Variants in SRRM4 observed in about 807,000 individuals in gnomAD.
The protein encoded by SRRM4 is serine/arginine repetitive matrix 4, also known as serine/arginine repetitive matrix protein 4.
Under a neutral mutation model 68.9 loss-of-function variants are expected in SRRM4, and 33 were observed. The observed-to-expected ratio is 0.48, with a 90% CI of 0.36 to 0.64. The LOEUF is 0.64. SRRM4 is among the 30% of genes least tolerant of loss of function. The pLI is 0.00. For synonymous variants in SRRM4, 318 were observed against 318.8 expected, an observed-to-expected ratio of 1.00 and a Z score of 0.03; for missense variants, 817 against 827.1, an observed-to-expected ratio of 0.99 and a Z score of 0.15.
intron 1 of SRRM4, among the ~76,000 whole-genome samples, chr12:118,992,978 T>C (rs1953326377): frequency 6.6e-6 from 1 of 152,190 alleles, no homozygotes; most frequent in Admixed American, 6.5e-5. Context: ...CTAAGAGATG[T>C]GAAATGATTT....
intron 1 of SRRM4, among the ~76,000 whole-genome samples, chr12:119,017,937 C>T (rs138965902): frequency 1.3e-3 from 201 of 152,292 alleles, no homozygotes; most frequent in African/African-American, 4.6e-3. Context: ...TTGACTTGGG[C>T]AGGTTAGTTA....
Position 119,095,821 on chromosome 12 carries a change from G to A in SRRM4, c.132-6415G>A, listed in dbSNP as rs143666399. Among the ~76,000 whole-genome samples the A allele has an allele frequency of 3.8e-3, 579 of 151,556 alleles. 4 individuals are homozygous for A. Among genetic ancestry groups the A allele is most frequent in the African/African-American group, 0.013 (536 of 41,354 alleles). On this transcript the variant is annotated intron_variant, in intron 1 of 12. Coordinates refer to ENST00000267260, the MANE Select transcript of SRRM4 (RefSeq NM_194286.4). ...CTAAAAATACAGAAATTAGCCAAGC[G>A]TGGTGGCAGGTGCCTGTAATCCCAG...
At chr12:119,053,214 G>C (rs928289541) in intron 1 of SRRM4, among the ~76,000 whole-genome samples, 2 of 152,042 alleles carry the variant, frequency 1.3e-5, no homozygotes, top group African/African-American at 2.4e-5. Flanking sequence ...ATGTTCTCTT[G>C]TTTTCATTTG....
intron 1 of SRRM4, among the ~76,000 whole-genome samples, chr12:118,998,241 G>A (rs763968467): frequency 2.4e-5 from 3 of 123,542 alleles, no homozygotes; most frequent in Non-Finnish European, 4.8e-5. Flanking sequence ...TCAGAACTGT[G>A]CAACTGAGTG....
rs547154502 is a variant in SRRM4 at position 119,003,956 on chromosome 12, G to A, written c.131+21943G>A. ...ACAGGGAATAGAGTATGATAGAGAT[G>A]TTTCAGGCTGTTAATTATTAATGAA... On this transcript the variant is annotated intron_variant, in intron 1 of 12. Transcript: ENST00000267260. Among the ~76,000 whole-genome samples the A allele has an allele frequency of 3.3e-5, 5 of 152,102 alleles. No individual in the cohort carries two copies. In the South Asian group the frequency reaches 1.0e-3, roughly 32 times the overall value.
At chr12:119,030,409 A>G (rs1953581033) in intron 1 of SRRM4, among the ~76,000 whole-genome samples, 2 of 152,228 alleles carry the variant, frequency 1.3e-5, no homozygotes, top group Non-Finnish European at 2.9e-5. Context: ...TTTGTGAGCA[A>G]CAAGGGACAG....
chr12:119,102,505 AT>A, intron 2 of SRRM4, 123 bp downstream of exon 2: 1 of 750,368 alleles, frequency 1.3e-6, no homozygotes, highest in Non-Finnish European at 2.1e-6. Flanking sequence ...GTTAGTAAAT[AT>A]TTACCGTAGA....
intron 9 of SRRM4, among the ~76,000 whole-genome samples, chr12:119,150,608 G>A (rs928454104): frequency 6.6e-6 from 1 of 152,234 alleles, no homozygotes; most frequent in African/African-American, 2.4e-5. Context: ...CAAAGTGTTA[G>A]AGAGGTGTTA....
chr12:119,072,418 T>C (rs368173453), intron 1 of SRRM4, among the ~76,000 whole-genome samples: 2 of 152,216 alleles, frequency 1.3e-5, no homozygotes, highest in South Asian at 2.1e-4. Flanking sequence ...TCCTGATCTC[T>C]CATTTGAGGG....
chr12:119,108,640 CTGTT>C (rs778730318), intron 2 of SRRM4, among the ~76,000 whole-genome samples: 5,697 of 144,750 alleles, frequency 0.039, 178 homozygotes, highest in East Asian at 0.1. Flanking sequence ...ATTGCAACCC[CTGTT>C]TGTTTTTTTT....
At chr12:119,040,378 T>C (rs61937968) in intron 1 of SRRM4, among the ~76,000 whole-genome samples, 18,627 of 152,028 alleles carry the variant, frequency 0.12, 1,262 homozygotes, top group East Asian at 0.26. Context: ...GTCCCCAAAG[T>C]CCATTGTATC....
intron 1 of SRRM4, among the ~76,000 whole-genome samples, chr12:119,060,192 T>C (rs887633624): frequency 6.6e-6 from 1 of 151,840 alleles, no homozygotes; most frequent in African/African-American, 2.4e-5. Flanking sequence ...CAAAATGATA[T>C]CTGAGAAAAC....
chr12:119,143,652 C>G (rs180727295), intron 8 of SRRM4, among the ~76,000 whole-genome samples: 1 of 152,086 alleles, frequency 6.6e-6, no homozygotes. Flanking sequence ...GACCCCTCAG[C>G]CTGAACATCC....
chr12:119,100,109 A>G (rs1234986477), intron 1 of SRRM4, among the ~76,000 whole-genome samples: 5 of 152,134 alleles, frequency 3.3e-5, no homozygotes, highest in Non-Finnish European at 7.4e-5. Flanking sequence ...GTTACTTCTC[A>G]GGAAGGACTT....
intron 1 of SRRM4, among the ~76,000 whole-genome samples, chr12:119,056,174 A>G (rs1316526621): frequency 6.6e-6 from 1 of 152,184 alleles, no homozygotes; most frequent in Non-Finnish European, 1.5e-5. Context: ...AACAGCCTGC[A>G]TGATGCTCCC....
chr12:119,073,817 T>A lies in SRRM4; in HGVS notation c.132-28419T>A, dbSNP rs114962397. Among the ~76,000 whole-genome samples the A allele has an allele frequency of 3.8e-3, 570 of 151,952 alleles. 12 individuals are homozygous for A. The highest frequency in any genetic ancestry group is 0.013 in the African/African-American group (532 of 41,444). On this transcript the variant is annotated intron_variant, in intron 1 of 12. Transcript: ENST00000267260. Reference sequence around the variant, plus strand: ...TAAATTTTTAATAGATAAATAGACATAGGTCTCGCTATGTTGCCCAGGCTG... The same window carrying A: ...TAAATTTTTAATAGATAAATAGACAAAGGTCTCGCTATGTTGCCCAGGCTG...
intron 1 of SRRM4, among the ~76,000 whole-genome samples, chr12:119,024,365 C>T (rs1198764837): frequency 6.6e-6 from 1 of 152,214 alleles, no homozygotes; most frequent in Non-Finnish European, 1.5e-5. Context: ...ACCAAAGGTG[C>T]TCTCTCTGTG....
chr12:119,017,620 G>T (rs2136000154), intron 1 of SRRM4, among the ~76,000 whole-genome samples: 1 of 152,294 alleles, frequency 6.6e-6, no homozygotes, highest in Non-Finnish European at 1.5e-5. Context: ...GAAAGTGGAA[G>T]ACTAATATCT....
chr12:119,130,409 AGATGGATGGATG>A (rs71069491), intron 7 of SRRM4, among the ~76,000 whole-genome samples: 46 of 142,538 alleles, frequency 3.2e-4, no homozygotes, highest in African/African-American at 1.1e-3. Flanking sequence ...TTGCTTAGAC[AGATGGATGGATG>A]GATGGATGGA....
Sources: gnomAD v4.1 joint callset for allele counts (sites outside exome capture counted in the v4.1 genomes callset) on GRCh38, gnomAD v4.1.1 for gene constraint, MANE v1.5 for transcripts, NCBI Gene and HGNC (gene_info 2026-07-23, HGNC 2026-07-21) for gene names.